The following BNC2 variants were observed in gnomAD, a reference collection of about 807,000 sequenced individuals.
The protein encoded by BNC2 is basonuclin zinc finger protein 2.
Under a neutral mutation model 76.3 loss-of-function variants are expected in BNC2, and 20 were observed. That is an observed-to-expected ratio of 0.26 (90% CI 0.18 to 0.38). The LOEUF (loss-of-function observed/expected upper bound fraction) is 0.38. Ranked by LOEUF, BNC2 falls within the 10% of genes least tolerant of loss-of-function variation. BNC2 has a pLI of 1.00. For missense variants in BNC2, 1,382 were observed against 1,399.8 expected (o/e 0.99, Z 0.20); for synonymous variants, 582 against 514.8 (o/e 1.13, Z -1.77).
At chr9:16,420,610 C>T (rs761346420) in intron 6 of BNC2, among the ~76,000 whole-genome samples, 2 of 151,868 alleles carry the variant, frequency 1.3e-5, no homozygotes, top group Non-Finnish European at 1.5e-5. Context: ...CAACTGGAAC[C>T]CATACTTCTT....
intron 1 of BNC2, among the ~76,000 whole-genome samples, chr9:16,855,606 C>T (rs1819234012): frequency 1.3e-5 from 2 of 152,178 alleles, no homozygotes; most frequent in South Asian, 4.1e-4. Flanking sequence ...GGCGCAATCT[C>T]GGCTCACTGC....
intron 6 of BNC2, among the ~76,000 whole-genome samples, chr9:16,433,436 T>C (rs1042108079): frequency 3.3e-5 from 5 of 152,166 alleles, no homozygotes; most frequent in Admixed American, 6.5e-5. Flanking sequence ...CTGAACACCC[T>C]GGGAGCACAT....
chr9:16,550,333 G>A (rs1457098215), intron 5 of BNC2, among the ~76,000 whole-genome samples: 1 of 152,078 alleles, frequency 6.6e-6, no homozygotes, highest in Non-Finnish European at 1.5e-5. Flanking sequence ...TTCTTCCAAT[G>A]TGGCCCAGGA....
chr9:16,692,920 A>G (rs1024944900), intron 3 of BNC2, among the ~76,000 whole-genome samples: 2 of 152,066 alleles, frequency 1.3e-5, no homozygotes, highest in African/African-American at 4.8e-5. Context: ...ACCTGAGGTC[A>G]GGAATTCGAC....
chr9:16,446,188 C>T (rs1329104409), intron 5 of BNC2, among the ~76,000 whole-genome samples: 1 of 152,106 alleles, frequency 6.6e-6, no homozygotes, highest in Non-Finnish European at 1.5e-5. Flanking sequence ...CCTTGGCTCA[C>T]TCTTATTATA....
chr9:16,443,699 G>A lies in BNC2; in HGVS notation c.670-6175C>T, dbSNP rs773237163. Among the ~76,000 whole-genome samples the A allele has an allele frequency of 3.3e-4, 50 of 152,108 alleles. 1 individual carries two copies. The highest frequency in any genetic ancestry group is 2.2e-4 in the Non-Finnish European group (15 of 68,020). ...CTAAGCTACCGACTACAACATGGAC[G>A]ACTCTTCAAAAGCATTATGCTAAGA... On this transcript the variant is annotated intron_variant, in intron 5 of 6. Coordinates refer to ENST00000380672, the MANE Select transcript of BNC2 (RefSeq NM_017637.6).
intron 1 of BNC2, among the ~76,000 whole-genome samples, chr9:16,848,638 T>C (rs1288091460): frequency 6.6e-6 from 1 of 152,186 alleles, no homozygotes; most frequent in African/African-American, 2.4e-5. Flanking sequence ...CATAAAACAA[T>C]GTAGGAAATC....
chr9:16,501,553 G>A (rs548323544), intron 5 of BNC2, among the ~76,000 whole-genome samples: 9 of 152,308 alleles, frequency 5.9e-5, no homozygotes, highest in Admixed American at 5.9e-4. Flanking sequence ...CATTAGGGTT[G>A]AGTAGCTCTT....
At chr9:16,439,940 G>C (rs1821092398) in intron 5 of BNC2, among the ~76,000 whole-genome samples, 1 of 152,122 alleles carries the variant, frequency 6.6e-6, no homozygotes, top group South Asian at 2.1e-4. Flanking sequence ...TCACATAAGG[G>C]TGCAGGCACA....
At chr9:16,747,989 G>C (rs1825059919) in intron 1 of BNC2, among the ~76,000 whole-genome samples, 1 of 144,824 alleles carries the variant, frequency 6.9e-6, no homozygotes, top group South Asian at 2.3e-4. Context: ...CTTTCCAATG[G>C]AATATTAAGT....
chr9:16,665,678 T>C (rs1321689007), intron 3 of BNC2, among the ~76,000 whole-genome samples: 1 of 152,170 alleles, frequency 6.6e-6, no homozygotes, highest in African/African-American at 2.4e-5. Context: ...AAATGCATAA[T>C]GCAAGTTAAT....
At chr9:16,787,894 G>C (rs554964385) in intron 1 of BNC2, among the ~76,000 whole-genome samples, 1 of 152,064 alleles carries the variant, frequency 6.6e-6, no homozygotes, top group East Asian at 1.9e-4. Flanking sequence ...CCTTAGCCAG[G>C]ATGCAGCTTC....
At chr9:16,484,331 G>T (rs539282506) in intron 5 of BNC2, among the ~76,000 whole-genome samples, 154 of 152,240 alleles carry the variant, frequency 1.0e-3, no homozygotes, top group African/African-American at 3.6e-3. Flanking sequence ...GAGAGTGCTC[G>T]AGGCGAAGAT....
intron 1 of BNC2, among the ~76,000 whole-genome samples, chr9:16,857,993 G>A (rs1486232254): frequency 6.6e-6 from 1 of 152,184 alleles, no homozygotes; most frequent in Non-Finnish European, 1.5e-5. Flanking sequence ...CAGGTAAACT[G>A]TAAAGCAAGC....
chr9:16,497,182 T>C (rs904072421), intron 5 of BNC2, among the ~76,000 whole-genome samples: 1 of 152,208 alleles, frequency 6.6e-6, no homozygotes, highest in Non-Finnish European at 1.5e-5. Flanking sequence ...AGGGGTTTCC[T>C]AGTCATCTCA....
At chr9:16,867,044 G>A (rs66462982) in intron 1 of BNC2, among the ~76,000 whole-genome samples, 21,759 of 152,062 alleles carry the variant, frequency 0.14, 2,254 homozygotes, top group African/African-American at 0.29. Flanking sequence ...TTTATGTACA[G>A]AATTCTATAG....
chr9:16,844,600 C>A (rs1354794043), intron 1 of BNC2, among the ~76,000 whole-genome samples: 1 of 149,480 alleles, frequency 6.7e-6, no homozygotes, highest in African/African-American at 2.5e-5. Context: ...CAGGTTCAAG[C>A]GATTCTTCCT....
intron 3 of BNC2, among the ~76,000 whole-genome samples, chr9:16,724,782 T>C (rs1587354459): frequency 6.6e-6 from 1 of 152,248 alleles, no homozygotes; most frequent in East Asian, 1.9e-4. Flanking sequence ...TAAAACTAGA[T>C]TATTAAATTT....
intron 3 of BNC2, among the ~76,000 whole-genome samples, chr9:16,589,596 C>T (rs908953734): frequency 1.3e-5 from 2 of 152,006 alleles, no homozygotes; most frequent in African/African-American, 4.8e-5. Flanking sequence ...GCAACCTCCG[C>T]CTCCAGGGTT....
Sources: gnomAD v4.1 joint callset for allele counts (sites outside exome capture counted in the v4.1 genomes callset) on GRCh38, gnomAD v4.1.1 for gene constraint, MANE v1.5 for transcripts, NCBI Gene and HGNC (gene_info 2026-07-23, HGNC 2026-07-21) for gene names.